The following TENM4 variants were observed in gnomAD, a reference collection of about 807,000 sequenced individuals.
TENM4 encodes the protein teneurin transmembrane protein 4, also known as teneurin-4.
A neutral mutation model predicts 243.3 loss-of-function variants in TENM4; 82 were observed. The observed-to-expected ratio is 0.34, with a 90% confidence interval of 0.28 to 0.40. TENM4 has a LOEUF of 0.40. Among genes scored for constraint, TENM4 ranks in the 10% least tolerant of loss-of-function variants. The pLI is 1.00. For synonymous variants in TENM4, 1,412 were observed against 1,456.3 expected, an observed-to-expected ratio of 0.97 and a Z score of 0.69; for missense variants, 3,138 against 3,673.3, an observed-to-expected ratio of 0.85 and a Z score of 3.77.
At chr11:79,126,550 A>G (rs965786532) in intron 4 of TENM4, among the ~76,000 whole-genome samples, 4 of 152,232 alleles carry the variant, frequency 2.6e-5, no homozygotes, top group Non-Finnish European at 5.9e-5. Flanking sequence ...TGATTTGTGT[A>G]GAGCTCTGGC....
intron 15 of TENM4, among the ~76,000 whole-genome samples, chr11:78,801,978 T>A (rs549750238): frequency 1.5e-4 from 23 of 152,310 alleles, no homozygotes; most frequent in African/African-American, 5.5e-4. Context: ...TAAAGTAATT[T>A]TACCTAAGGG....
At chr11:79,384,938 T>A (rs4944230) in intron 1 of TENM4, among the ~76,000 whole-genome samples, 1 of 18,698 alleles carries the variant, frequency 5.3e-5, no homozygotes, top group African/African-American at 5.1e-4. Context: ...AAAATAAAAT[T>A]AAAATAAAAT....
chr11:79,079,681 T>C (rs1860616966), intron 4 of TENM4, among the ~76,000 whole-genome samples: 1 of 151,738 alleles, frequency 6.6e-6, no homozygotes, highest in Non-Finnish European at 1.5e-5. Context: ...ATACAAGAAT[T>C]AGCTGGGTGT....
chr11:78,732,541 G>A lies in TENM4; in HGVS notation c.2913C>T (p.Ile971=), dbSNP rs17826919. The A allele has an allele frequency of 0.23, 366,367 of 1,608,756 alleles. 44,872 individuals carry two copies. Among genetic ancestry groups the A allele is most frequent in the Non-Finnish European group, 0.25 (299,871 of 1,176,172 alleles). Reference sequence around the variant, plus strand: ...TGAAAGGTGCCCGCTCGAACCGCAGGATGATGGAGATGCCGCCATTTGTCA... The same window carrying A: ...TGAAAGGTGCCCGCTCGAACCGCAGAATGATGGAGATGCCGCCATTTGTCA... ...DLVTNGGISI[I]LRFERAPFIT... Residue 971 remains isoleucine, a synonymous_variant, in exon 21 of 34, where the codon ATC becomes ATT. Coordinates refer to ENST00000278550, the MANE Select transcript of TENM4 (RefSeq NM_001098816.3).
intron 1 of TENM4, among the ~76,000 whole-genome samples, chr11:79,389,004 A>G (rs1000051352): frequency 2.6e-5 from 4 of 152,216 alleles, no homozygotes; most frequent in African/African-American, 9.7e-5. Context: ...AAGAGGTTGG[A>G]GAGGTTGGCA....
At chr11:78,864,433 CAAAAAAAAA>C (rs145489804) in intron 9 of TENM4, among the ~76,000 whole-genome samples, 48 of 36,198 alleles carry the variant, frequency 1.3e-3, no homozygotes, top group African/African-American at 5.3e-3. Context: ...GACTCCGTCT[CAAAAAAAAA>C]AAAAAAAAAA....
At chr11:78,879,316 G>A (rs1178129509) in intron 9 of TENM4, among the ~76,000 whole-genome samples, 5 of 6,078 alleles carry the variant, frequency 8.2e-4, no homozygotes, top group Admixed American at 4.9e-3. Context: ...GCCGCCACCC[G>A]ATCTGGGATG....
Position 78,805,282 on chromosome 11 carries a change from C to CCCCACCCCCCCCCCCCCCCCCAAA in TENM4, c.2179+9_2179+10insTTTGGGGGGGGGGGGGGGGGTGGG. ...CCCTCTACCCATGCTTCTTCTCCCC[C>CCCCACCCCCCCCCCCCCCCCCAAA]TGCATTTACCGATAGAACAGTCGTG... is the stretch of plus-strand genomic sequence containing the variant. On this transcript the variant is annotated intron_variant, in intron 15 of 33. Coordinates refer to ENST00000278550, the MANE Select transcript of TENM4 (RefSeq NM_001098816.3). The CCCCACCCCCCCCCCCCCCCCCAAA allele has an allele frequency of 1.0e-6, 1 of 995,564 alleles. No homozygotes were observed. The highest frequency in any genetic ancestry group is 1.2e-6 in the Non-Finnish European group (1 of 823,786). The allele number at this position is 995,564 out of a possible 1,614,324, so 61.7% of individuals were successfully genotyped here. A position where few individuals can be genotyped will look rare whatever the true frequency, so the allele number is the denominator to read the frequency against.
chr11:78,902,785 T>G (rs1018479392), intron 7 of TENM4, among the ~76,000 whole-genome samples: 2 of 152,102 alleles, frequency 1.3e-5, no homozygotes, highest in African/African-American at 4.8e-5. Context: ...GAGACTGACA[T>G]AGCTGAGTGC....
chr11:78,708,531 C>A lies in TENM4; in HGVS notation c.4055-16G>T. The A allele has an allele frequency of 1.2e-6, 2 of 1,612,340 alleles. No homozygotes were observed. Among genetic ancestry groups the A allele is most frequent in the Non-Finnish European group, 1.7e-6 (2 of 1,179,088 alleles). On this transcript the variant is annotated splice_polypyrimidine_tract_variant and intron_variant, in intron 26 of 33. Transcript: ENST00000278550. ...ACTGTAATGCCTGGGGGCAGAGAAG[C>A]CAAAACAGGAACTCAGCATCAGAGA...
intron 7 of TENM4, among the ~76,000 whole-genome samples, chr11:78,898,710 T>G (rs1198721856): frequency 2.6e-5 from 4 of 152,194 alleles, no homozygotes; most frequent in African/African-American, 9.6e-5. Context: ...TGTTAATAAT[T>G]ATCAAACAGC....
intron 6 of TENM4, among the ~76,000 whole-genome samples, chr11:79,039,211 G>A (rs1859458268): frequency 6.6e-6 from 1 of 152,190 alleles, no homozygotes; most frequent in Non-Finnish European, 1.5e-5. Flanking sequence ...CCTATCCAGA[G>A]CAAAAATGAT....
chr11:78,984,939 T>C (rs190503184), intron 6 of TENM4, among the ~76,000 whole-genome samples: 23 of 152,314 alleles, frequency 1.5e-4, no homozygotes, highest in African/African-American at 5.5e-4. Flanking sequence ...CCATTTCTGT[T>C]ACAGCAGTGA....
At chr11:79,061,727 C>T (rs1019946197) in intron 6 of TENM4, among the ~76,000 whole-genome samples, 5 of 152,162 alleles carry the variant, frequency 3.3e-5, no homozygotes, top group African/African-American at 1.2e-4. Context: ...ACAGAGGGAA[C>T]TCACTGTAAC....
intron 6 of TENM4, among the ~76,000 whole-genome samples, chr11:78,965,382 T>C (rs1409265199): frequency 1.3e-5 from 2 of 152,040 alleles, no homozygotes; most frequent in Non-Finnish European, 2.9e-5. Flanking sequence ...AGGCCACATG[T>C]ATTAAGCCAA....
chr11:79,031,220 T>C (rs1185160332), intron 6 of TENM4, among the ~76,000 whole-genome samples: 1 of 152,038 alleles, frequency 6.6e-6, no homozygotes, highest in Admixed American at 6.6e-5. Flanking sequence ...TTAGAGGAGC[T>C]CAGCAAAGGC....
At chr11:78,772,118 G>A (rs1342954369) in intron 17 of TENM4, among the ~76,000 whole-genome samples, 2 of 152,088 alleles carry the variant, frequency 1.3e-5, no homozygotes, top group South Asian at 2.1e-4. Flanking sequence ...GATCAAGAAG[G>A]GTCAGGCAAT....
intron 4 of TENM4, among the ~76,000 whole-genome samples, chr11:79,132,179 A>G (rs1435668533): frequency 6.6e-6 from 1 of 151,050 alleles, no homozygotes; most frequent in Admixed American, 6.6e-5. Context: ...TGTCTCTACT[A>G]AAAATACAAA....
At chr11:78,840,076 C>T (rs577854508) in intron 12 of TENM4, among the ~76,000 whole-genome samples, 2 of 152,228 alleles carry the variant, frequency 1.3e-5, no homozygotes, top group East Asian at 3.9e-4. Flanking sequence ...ATATTTGGCA[C>T]CTAAGAAAAG....
Sources: gnomAD v4.1 joint callset for allele counts (sites outside exome capture counted in the v4.1 genomes callset) on GRCh38, gnomAD v4.1.1 for gene constraint, MANE v1.5 for transcripts, NCBI Gene and HGNC (gene_info 2026-07-23, HGNC 2026-07-21) for gene names.